THADA: variants seen among roughly 807,000 people sequenced by gnomAD.
THADA encodes THADA armadillo repeat containing, also known as tRNA (32-2'-O)-methyltransferase regulator THADA.
Under a neutral mutation model 219.8 loss-of-function variants are expected in THADA, and 213 were observed. The ratio of observed to expected loss-of-function variants is 0.97; its 90% CI spans 0.87 to 1.09. The LOEUF is 1.09. THADA is among the 50% of genes least tolerant of loss of function. THADA has a pLI of 0.00. For missense variants in THADA, 2,956 were observed against 2,311.3 expected (o/e 1.28, Z -5.72); for synonymous variants, 1,018 against 828.9 (o/e 1.23, Z -3.92).
At chr2:43,236,160 G>A (rs1668008607) in intron 36 of THADA, among the ~76,000 whole-genome samples, 1 of 152,198 alleles carries the variant, frequency 6.6e-6, no homozygotes, top group South Asian at 2.1e-4. Context: ...CAGGAGAGTG[G>A]CGGGATGACA....
At chr2:43,543,170 C>T (rs1695552016) in intron 20 of THADA, among the ~76,000 whole-genome samples, 1 of 149,248 alleles carries the variant, frequency 6.7e-6, no homozygotes, top group Admixed American at 6.7e-5. Flanking sequence ...TGATGATTTC[C>T]AATTTCATCC....
chr2:43,374,652 T>A (rs1280529081), intron 29 of THADA, among the ~76,000 whole-genome samples: 2 of 152,150 alleles, frequency 1.3e-5, no homozygotes, highest in Non-Finnish European at 2.9e-5. Context: ...ATGCTGTTGA[T>A]GACATATAAG....
chr2:43,275,620 C>T (rs926625646), intron 36 of THADA, among the ~76,000 whole-genome samples: 1 of 152,160 alleles, frequency 6.6e-6, no homozygotes, highest in African/African-American at 2.4e-5. Flanking sequence ...TCCAGCTAAG[C>T]CACACCAGAT....
At chr2:43,384,074 T>C (rs1182400393) in intron 29 of THADA, among the ~76,000 whole-genome samples, 1 of 152,176 alleles carries the variant, frequency 6.6e-6, no homozygotes, top group African/African-American at 2.4e-5. Context: ...AGTGCAGTGA[T>C]AGTAAGAGTT....
Position 43,508,576 on chromosome 2 carries a change from T to G in THADA, c.3507+72A>C, listed in dbSNP as rs1689993739. ...TATGTGTAATACGCTCACTCACACG[T>G]CAAACAGGTTAGGATACACTATCAT... On this transcript the variant is annotated intron_variant, in intron 23 of 37. Transcript: ENST00000405975. 8 of 1,478,762 alleles carry G rather than the reference T, an allele frequency of 5.4e-6. No individual in the cohort carries two copies. In the South Asian group the frequency reaches 9.2e-5, roughly 17 times the overall value. 91.6% of individuals were successfully genotyped at this position (1,478,762 alleles called of 1,614,324 possible). A position where few individuals can be genotyped will look rare whatever the true frequency, so the allele number is the denominator to read the frequency against.
intron 16 of THADA, among the ~76,000 whole-genome samples, chr2:43,558,015 T>C (rs79676785): frequency 0.033 from 5,040 of 152,322 alleles, 102 homozygotes; most frequent in Middle Eastern, 0.085. Flanking sequence ...CAATTAAGCA[T>C]CTAAACCATT....
chr2:43,400,342 C>T (rs1309727117), intron 28 of THADA, among the ~76,000 whole-genome samples: 2 of 150,938 alleles, frequency 1.3e-5, no homozygotes, highest in Non-Finnish European at 3.0e-5. Context: ...ATGCAATTAC[C>T]AAAAAAGAAG....
At chr2:43,459,346 C>T (rs754666057) in intron 26 of THADA, among the ~76,000 whole-genome samples, 8 of 152,120 alleles carry the variant, frequency 5.3e-5, no homozygotes, top group South Asian at 2.1e-4. Flanking sequence ...CCCCCAATCC[C>T]AGATTATATG....
chr2:43,290,229 C>T (rs1261604586), intron 34 of THADA, among the ~76,000 whole-genome samples: 1 of 151,848 alleles, frequency 6.6e-6, no homozygotes, highest in Admixed American at 6.6e-5. Context: ...GCCTTGACCT[C>T]CTAAAGTGCT....
At chr2:43,567,724 C>T (rs1698848222) in intron 14 of THADA, among the ~76,000 whole-genome samples, 1 of 152,150 alleles carries the variant, frequency 6.6e-6, no homozygotes, top group East Asian at 1.9e-4. Context: ...AGACTGTAGC[C>T]ACAATATATG....
chr2:43,435,569 G>A (rs1679983376), intron 26 of THADA, among the ~76,000 whole-genome samples: 1 of 152,044 alleles, frequency 6.6e-6, no homozygotes, highest in Admixed American at 6.5e-5. Flanking sequence ...AATTACTTGA[G>A]TTCAAGAGTT....
At chr2:43,547,571 A>T (rs1696193659) in intron 20 of THADA, among the ~76,000 whole-genome samples, 1 of 151,950 alleles carries the variant, frequency 6.6e-6, no homozygotes, top group Admixed American at 6.6e-5. Context: ...ATTTCTTTTT[A>T]TTCTTTTTTC....
chr2:43,436,148 C>T (rs755403411), intron 26 of THADA, among the ~76,000 whole-genome samples: 5 of 152,102 alleles, frequency 3.3e-5, no homozygotes, highest in Non-Finnish European at 5.9e-5. Flanking sequence ...TGCCTTGTTT[C>T]TCTTGTACCT....
At chr2:43,359,581 G>A (rs1354995713) in intron 29 of THADA, among the ~76,000 whole-genome samples, 1 of 152,232 alleles carries the variant, frequency 6.6e-6, no homozygotes, top group Non-Finnish European at 1.5e-5. Flanking sequence ...TTGAGAGGCT[G>A]AGGCAGAAGA....
chr2:43,591,763 G>A (rs1049594267), intron 3 of THADA, among the ~76,000 whole-genome samples, 189 bp downstream of exon 3: 2 of 152,014 alleles, frequency 1.3e-5, no homozygotes, highest in Non-Finnish European at 2.9e-5. Context: ...ATAGAAGTCT[G>A]AATATGGCTT....
Position 43,336,487 on chromosome 2 carries a change from G to C in THADA, c.4343+7635C>G, listed in dbSNP as rs528115338. On this transcript the variant is annotated intron_variant, in intron 30 of 37. Transcript: ENST00000405975. Reference sequence around the variant, plus strand: ...GGGTTTCGCCATGTTGGCCAGGCTGGTCTTGAACTCCTGACCTCCGGTGAC... The same window carrying C: ...GGGTTTCGCCATGTTGGCCAGGCTGCTCTTGAACTCCTGACCTCCGGTGAC... Among the ~76,000 whole-genome samples the C allele has an allele frequency of 2.6e-5, 4 of 152,036 alleles. No homozygotes were observed. The East Asian group carries it at 7.8e-4, about 30-fold the overall frequency.
At chr2:43,501,907 G>T (rs940687366) in intron 24 of THADA, among the ~76,000 whole-genome samples, 5 of 152,192 alleles carry the variant, frequency 3.3e-5, no homozygotes, top group African/African-American at 1.2e-4. Context: ...TCACACCACT[G>T]CACTCCAGCC....
chr2:43,389,266 T>C (rs143422537), intron 29 of THADA, among the ~76,000 whole-genome samples: 129 of 152,350 alleles, frequency 8.5e-4, no homozygotes, highest in Middle Eastern at 3.4e-3. Flanking sequence ...CCAGCTTTTG[T>C]GTACTTATTA....
Position 43,488,622 on chromosome 2 carries a change from G to A in THADA, c.3745-3297C>T, listed in dbSNP as rs763665268. On this transcript the variant is annotated intron_variant, in intron 25 of 37. Transcript: ENST00000405975. The stretch of plus-strand genomic sequence containing the variant: ...GGCTATTTCCAATTTGGAATATTAT[G>A]AATAATTTTGCTAAGAATATTCATG... Among the ~76,000 whole-genome samples the A allele has an allele frequency of 2.0e-5, 3 of 152,112 alleles. No homozygotes were observed. In the South Asian group the frequency reaches 6.2e-4, roughly 31 times the overall value.
Sources: gnomAD v4.1 joint callset for allele counts (sites outside exome capture counted in the v4.1 genomes callset) on GRCh38, gnomAD v4.1.1 for gene constraint, MANE v1.5 for transcripts, NCBI Gene and HGNC (gene_info 2026-07-23, HGNC 2026-07-21) for gene names.